COL7A1: variants seen among roughly 807,000 people sequenced by gnomAD.
COL7A1 encodes the protein collagen type VII alpha 1 chain.
COL7A1 carries 296 observed loss-of-function variants against 456.2 expected under a neutral mutation model. The observed-to-expected ratio is 0.65, with a 90% CI of 0.59 to 0.71. COL7A1 has a LOEUF of 0.71. Among genes scored for constraint, COL7A1 ranks in the 30% least tolerant of loss-of-function variants. The pLI, the probability that COL7A1 is intolerant of heterozygous loss-of-function variation, is 0.00. For missense variants in COL7A1, 3,441 were observed against 4,017.2 expected (o/e 0.86, Z 3.88); for synonymous variants, 1,464 against 1,525.9 (o/e 0.96, Z 0.95).
At position 48,570,976 on chromosome 3, in the gene COL7A1, A is replaced by G. The variant is rs1260026557; in HGVS notation, c.7165-8T>C. The G allele has an allele frequency of 6.2e-7, 1 of 1,613,078 alleles. No individual in the cohort carries two copies. ...AGGGAGGCCCAGATCTCCCTGAAATAAAAACAGCAAAGGGAGGGAATGGTC... is the reference window on the plus strand; with the variant it reads ...AGGGAGGCCCAGATCTCCCTGAAATGAAAACAGCAAAGGGAGGGAATGGTC... On this transcript the variant is annotated splice_region_variant and splice_polypyrimidine_tract_variant and intron_variant, in intron 94 of 118. Transcript: ENST00000681320. This position sits in a 1 kb window ranked among gnomAD's most constrained non-coding sequence, Gnocchi z 5.5.
chr3:48,569,628 C>G lies in COL7A1; in HGVS notation c.7578G>C (p.Leu2526=), dbSNP rs1162084640. The change falls in exon 102 of 119, where the codon CTG becomes CTC. Residue 2526 remains leucine, a synonymous_variant. Coordinates refer to ENST00000681320, the MANE Select transcript of COL7A1 (RefSeq NM_000094.4). The surrounding 1 kb of genome is among the most constrained non-coding windows in gnomAD (Gnocchi z 4.9). ...TGGCACCCCGTGGGCCTGGAGGCCC[C>G]AGGATCACAGCTGAGTCTCCCTGAG... ...KGDKGDSAVI[L]GPPGPRGAKG... is the part of the protein sequence containing the mutation. 1.9e-6 allele frequency: 3 copies of G among 1,613,866 alleles called. No homozygotes were observed. The highest frequency in any genetic ancestry group is 1.7e-6 in the Non-Finnish European group (2 of 1,179,874).
chr3:48,587,423 G>A lies in COL7A1; in HGVS notation c.2989C>T (p.Gln997Ter), dbSNP rs1559423385. 6.2e-7 allele frequency: 1 copy of A among 1,613,222 alleles called. No individual in the cohort carries two copies. Among genetic ancestry groups the A allele is most frequent in the South Asian group, 1.1e-5 (1 of 91,080 alleles). ...CAAATCCTGGCCTCCCCCTCACCCT[G>A]GCCAGGGCCTCTGAGTGGCCGCCAG... ...LSWRPLRGPG[Q>*]EVPGSPQTLP... The change falls in exon 23 of 119, where the codon CAG becomes TAG. Residue 997 changes from glutamine (Q) to a stop codon, truncating the protein, a stop_gained. Transcript: ENST00000681320. LOFTEE classifies it high-confidence loss of function. This position sits in a 1 kb window ranked among gnomAD's most constrained non-coding sequence, Gnocchi z 6.1.
At position 48,567,151 on chromosome 3, in the gene COL7A1, C is replaced by A; in HGVS notation, c.8086G>T (p.Asp2696Tyr). 2.5e-6 allele frequency: 4 copies of A among 1,614,070 alleles called. No homozygotes were observed. Among genetic ancestry groups the A allele is most frequent in the Non-Finnish European group, 3.4e-6 (4 of 1,179,986 alleles). ...GFDGQPGPKG[D>Y]QGEKGERGTP... Reference sequence around the variant, plus strand: ...ACCCGCTCCCCTTTCTCGCCCTGGTCACCCTTGGGGCCTGGCTGCCCGTCA... The same window carrying A: ...ACCCGCTCCCCTTTCTCGCCCTGGTAACCCTTGGGGCCTGGCTGCCCGTCA... The change falls in exon 110 of 119, where the codon GAC becomes TAC. Residue 2696 changes from aspartate (D) to tyrosine (Y), a missense_variant. By Grantham distance (160) the Asp-to-Tyr change is radical. Transcript: ENST00000681320. This position sits in a 1 kb window ranked among gnomAD's most constrained non-coding sequence, Gnocchi z 4.3.
At position 48,585,998 on chromosome 3, in the gene COL7A1, A is replaced by C. The variant is rs1364904525; in HGVS notation, c.3724-23T>G. The C allele has an allele frequency of 6.2e-7, 1 of 1,613,728 alleles. No homozygotes were observed. Among genetic ancestry groups the C allele is most frequent in the Non-Finnish European group, 8.5e-7 (1 of 1,180,008 alleles). On this transcript the variant is annotated intron_variant, in intron 28 of 118. Coordinates refer to ENST00000681320, the MANE Select transcript of COL7A1 (RefSeq NM_000094.4). The surrounding 1 kb of genome is among the most constrained non-coding windows in gnomAD (Gnocchi z 4.5). ...GGGCTGCGGACATAGGGTCTCTTTGAGGTTGAACATTTCTACCAAGAACCC... is the reference window on the plus strand; with the variant it reads ...GGGCTGCGGACATAGGGTCTCTTTGCGGTTGAACATTTCTACCAAGAACCC...
chr3:48,595,161 C>A lies in COL7A1; in HGVS notation c.-1-1G>T. 1 of 1,551,466 alleles carries A rather than the reference C, an allele frequency of 6.4e-7. No individual in the cohort carries two copies. The highest frequency in any genetic ancestry group is 1.2e-5 in the South Asian group (1 of 84,192). On this transcript the variant is annotated splice_acceptor_variant, in intron 1 of 118. Coordinates refer to ENST00000681320, the MANE Select transcript of COL7A1 (RefSeq NM_000094.4). LOFTEE classifies it low-confidence loss of function (5UTR_SPLICE). Reference sequence around the variant, plus strand: ...GGCCACCAGAAGCCGCAGCGTCATCCTAGGCAGTAAAAGCCGTCAGCTAGG... The same window carrying A: ...GGCCACCAGAAGCCGCAGCGTCATCATAGGCAGTAAAAGCCGTCAGCTAGG...
chr3:48,571,924 C>T lies in COL7A1; in HGVS notation c.7068+77G>A, dbSNP rs1484654152. 13 of 1,548,176 alleles carry T rather than the reference C, an allele frequency of 8.4e-6. No individual in the cohort carries two copies. Among genetic ancestry groups the T allele is most frequent in the East Asian group, 4.7e-5 (2 of 42,862 alleles). The stretch of plus-strand genomic sequence containing the variant: ...GACTCAGGGGCTCAGACATGTGCCC[C>T]GGCCCAAGAGTGGCCCCTTATGCCC... On this transcript the variant is annotated intron_variant, in intron 92 of 118. Coordinates refer to ENST00000681320, the MANE Select transcript of COL7A1 (RefSeq NM_000094.4). The surrounding 1 kb of genome is among the most constrained non-coding windows in gnomAD (Gnocchi z 4.6).
rs2046003975 is a variant in COL7A1 at position 48,595,274 on chromosome 3, G to A, written c.-8C>T. On this transcript the variant is annotated 5_prime_UTR_variant, in exon 1 of 119. The change creates a new upstream start codon in the 5' untranslated region. Transcript: ENST00000681320. ...GCCCGAGTCCTGGTCTTGCCTGCGC[G>A]TCCGCCCGCTCCCGCCGCCGCCGCT... The A allele has an allele frequency of 2.4e-6, 2 of 839,248 alleles. No individual in the cohort carries two copies. The highest frequency in any genetic ancestry group is 3.9e-6 in the Non-Finnish European group (2 of 512,536). The allele number at this position is 839,248 out of a possible 1,614,324, so 52.0% of individuals were successfully genotyped here.
Position 48,572,943 on chromosome 3 carries a change from C to T in COL7A1, c.6751-1G>A. On this transcript the variant is annotated splice_acceptor_variant, in intron 86 of 118. Coordinates refer to ENST00000681320, the MANE Select transcript of COL7A1 (RefSeq NM_000094.4). LOFTEE classifies it high-confidence loss of function. This position sits in a 1 kb window ranked among gnomAD's most constrained non-coding sequence, Gnocchi z 4.6. The stretch of plus-strand genomic sequence containing the variant: ...GGGCTCCCGGCTTCCCTGTCTCCCC[C>T]TGAGAGGGAAGAGCTCTGTCAGGGC... 6.2e-7 allele frequency: 1 copy of T among 1,614,024 alleles called. No individual in the cohort carries two copies. Among genetic ancestry groups the T allele is most frequent in the Non-Finnish European group, 8.5e-7 (1 of 1,179,996 alleles).
At chr3:48,584,183 G>A in intron 37 of COL7A1, 115 bp downstream of exon 37, 1 of 1,566,228 alleles carries the variant, frequency 6.4e-7, no homozygotes, top group Non-Finnish European at 8.7e-7. Context: ...GAGGCGTCAT[G>A]GTGAGGATGG....
rs1314442545 is a variant in COL7A1 at position 48,594,448 on chromosome 3, T to C, written c.186A>G (p.Glu62=). 6.2e-7 allele frequency: 1 copy of C among 1,612,256 alleles called. No homozygotes were observed. Among genetic ancestry groups the C allele is most frequent in the Non-Finnish European group, 8.5e-7 (1 of 1,180,026 alleles). ...SNFREVRSFL[E]GLVLPFSGAA... ...CTCCAGAGAAAGGCAGCACCAGCCC[T>C]TCGAGAAAGCTGCGGACCTCGCGGA... Residue 62 remains glutamate (E), a synonymous_variant, in exon 3 of 119, where the codon GAA becomes GAG. Coordinates refer to ENST00000681320, the MANE Select transcript of COL7A1 (RefSeq NM_000094.4). This position sits in a 1 kb window ranked among gnomAD's most constrained non-coding sequence, Gnocchi z 5.5.
Position 48,580,303 on chromosome 3 carries a change from C to T in COL7A1, c.5094G>A (p.Glu1698=). 2 of 1,610,370 alleles carry T rather than the reference C, an allele frequency of 1.2e-6. No homozygotes were observed. The highest frequency in any genetic ancestry group is 1.1e-5 in the South Asian group (1 of 90,306). ...CCAGGACACCAGCCCTACTCACCGG[C>T]TCCCCACGGTCACCCTTGGGTCCAG... ...GSSGPKGDRG[E]PGPPGPPGRL... Residue 1698 remains glutamate, a synonymous_variant, in exon 56 of 119, where the codon GAG becomes GAA. Coordinates refer to ENST00000681320, the MANE Select transcript of COL7A1 (RefSeq NM_000094.4). This position sits in a 1 kb window ranked among gnomAD's most constrained non-coding sequence, Gnocchi z 4.5.
intron 65 of COL7A1, 131 bp from the exon 66 acceptor site, chr3:48,577,158 G>A (rs1471771949): frequency 1.7e-5 from 22 of 1,317,864 alleles, no homozygotes; most frequent in South Asian, 2.4e-5. Flanking sequence ...GTGTCTTGGA[G>A]CATGGCCTGT....
At position 48,571,120 on chromosome 3, in the gene COL7A1, G is replaced by C. The variant is rs758256976; in HGVS notation, c.7145C>G (p.Pro2382Arg). 1.2e-6 allele frequency: 2 copies of C among 1,613,936 alleles called. No homozygotes were observed. The highest frequency in any genetic ancestry group is 2.7e-5 in the African/African-American group (2 of 74,932). Reference sequence around the variant, plus strand: ...ACTTACCTTCACACCTGGAGGGCCAGGAGGCCCAGGGGAGCCCGGGACCCC... The same window carrying C: ...ACTTACCTTCACACCTGGAGGGCCACGAGGCCCAGGGGAGCCCGGGACCCC... ...GVGVPGSPGP[P>R]GPPGVKGDLG... The change falls in exon 94 of 119, where the codon CCT (proline) becomes CGT (arginine). Residue 2382 changes from proline to arginine, a missense_variant. Physicochemically the swap from Pro to Arg is moderately radical, Grantham distance 103. Around this residue, in one of 3 missense-constraint regions of COL7A1, gnomAD observed 2,084 missense variants for 2,501.3 expected, o/e 0.83. Coordinates refer to ENST00000681320, the MANE Select transcript of COL7A1 (RefSeq NM_000094.4). The surrounding 1 kb of genome is among the most constrained non-coding windows in gnomAD (Gnocchi z 4.6).
chr3:48,595,044 C>A, intron 2 of COL7A1, 31 bp downstream of exon 2: 1 of 1,519,358 alleles, frequency 6.6e-7, no homozygotes, highest in Non-Finnish European at 8.9e-7. Context: ...GGTGCAGTGC[C>A]CCGGGCCGGG....
rs773678153 is a variant in COL7A1 at position 48,585,891 on chromosome 3, G to C, written c.3760-35C>G. The C allele has an allele frequency of 8.2e-5, 133 of 1,614,054 alleles. 1 individual carries two copies. Among genetic ancestry groups the C allele is most frequent in the Admixed American group, 1.5e-4 (9 of 60,032 alleles). On this transcript the variant is annotated intron_variant, in intron 29 of 118. Transcript: ENST00000681320. This position sits in a 1 kb window ranked among gnomAD's most constrained non-coding sequence, Gnocchi z 4.5. ...GACATGTCAGATGTGGGTCAGAGTGGCTAGCCCCAGGTGCAGCCTCTGTTC... is the reference window on the plus strand; with the variant it reads ...GACATGTCAGATGTGGGTCAGAGTGCCTAGCCCCAGGTGCAGCCTCTGTTC...
Position 48,585,426 on chromosome 3 carries a change from G to A in COL7A1, c.3894+131C>T. The A allele has an allele frequency of 8.9e-7, 1 of 1,118,054 alleles. No homozygotes were observed. Among genetic ancestry groups the A allele is most frequent in the East Asian group, 2.4e-5 (1 of 42,388 alleles). The allele number at this position is 1,118,054 out of a possible 1,614,324, so 69.3% of individuals were successfully genotyped here. ...AGTGTCCCCCAAAGTCTCTGTGGTGGTTTATAACCTCCAGCTGGGCTTCTA... is the reference window on the plus strand; with the variant it reads ...AGTGTCCCCCAAAGTCTCTGTGGTGATTTATAACCTCCAGCTGGGCTTCTA... On this transcript the variant is annotated intron_variant, in intron 32 of 118. Coordinates refer to ENST00000681320, the MANE Select transcript of COL7A1 (RefSeq NM_000094.4). This position sits in a 1 kb window ranked among gnomAD's most constrained non-coding sequence, Gnocchi z 4.5.
chr3:48,575,897 C>G lies in COL7A1; in HGVS notation c.5826G>C (p.Val1942=), dbSNP rs751902809. ...TGCCAGCAGTTTCCAGCAACCGATC[C>G]ACATTCTGGGGACAAAGTCTGGGTG... ...LRGEPGSVPN[V]DRLLETAGIK... The change falls in exon 72 of 119, where the codon GTG becomes GTC. Residue 1942 remains valine (V), a synonymous_variant. Coordinates refer to ENST00000681320, the MANE Select transcript of COL7A1 (RefSeq NM_000094.4). This position sits in a 1 kb window ranked among gnomAD's most constrained non-coding sequence, Gnocchi z 6.3. The G allele has an allele frequency of 9.3e-6, 15 of 1,614,058 alleles. No homozygotes were observed. In the African/African-American group the frequency reaches 1.7e-4, roughly 19 times the overall value.
chr3:48,585,221 C>T lies in COL7A1; in HGVS notation c.3895-105G>A. 8.8e-7 allele frequency: 1 copy of T among 1,132,944 alleles called. No homozygotes were observed. The highest frequency in any genetic ancestry group is 1.3e-6 in the Non-Finnish European group (1 of 777,272). The allele number at this position is 1,132,944 out of a possible 1,614,324, so 70.2% of individuals were successfully genotyped here. ...ACAAGGGGTCGCCTACCCCACTGACCCCCAAGTGTTATTGGGGGTGGAACA... is the reference window on the plus strand; with the variant it reads ...ACAAGGGGTCGCCTACCCCACTGACTCCCAAGTGTTATTGGGGGTGGAACA... On this transcript the variant is annotated intron_variant, in intron 32 of 118. Transcript: ENST00000681320. This position sits in a 1 kb window ranked among gnomAD's most constrained non-coding sequence, Gnocchi z 4.5.
At position 48,566,413 on chromosome 3, in the gene COL7A1, C is replaced by T; in HGVS notation, c.8358+97G>A. 6.2e-7 allele frequency: 1 copy of T among 1,607,874 alleles called. No homozygotes were observed. The highest frequency in any genetic ancestry group is 1.3e-5 in the African/African-American group (1 of 74,904). ...GGACTATGGTGAGACTGCATGGAGCCAGGGCCCAGGGGTCAGGGTGCTGGG... is the reference window on the plus strand; with the variant it reads ...GGACTATGGTGAGACTGCATGGAGCTAGGGCCCAGGGGTCAGGGTGCTGGG... On this transcript the variant is annotated intron_variant, in intron 113 of 118. Transcript: ENST00000681320. The surrounding 1 kb of genome is among the most constrained non-coding windows in gnomAD (Gnocchi z 5.9).
Sources: gnomAD v4.1 joint callset for allele counts on GRCh38, gnomAD v4.1.1 for gene constraint, gnomAD v4.1.1 regional missense constraint, Gnocchi (gnomAD v3.1) non-coding constraint, MANE v1.5 for transcripts, NCBI Gene and HGNC (gene_info 2026-07-23, HGNC 2026-07-21) for gene names.